Variants in PLAC1 observed in about 807,000 individuals in gnomAD.
The protein encoded by PLAC1 is placenta associated 1, also known as placenta-specific protein 1.
For synonymous variants in PLAC1, 68 were observed against 62.1 expected, an observed-to-expected ratio of 1.09 and a Z score of -0.44; for missense variants, 136 against 163.2, an observed-to-expected ratio of 0.83 and a Z score of 0.91.
chrX:134,577,159 G>A (rs976931497), intron 2 of PLAC1, among the ~76,000 whole-genome samples: 7 of 112,186 alleles, frequency 6.2e-5, no homozygotes, highest in African/African-American at 1.9e-4. Flanking sequence ...AAAGAAAGGG[G>A]CCAGTTAAAA....
chrX:134,588,929 C>T lies in PLAC1; in HGVS notation c.-59+13122G>A, dbSNP rs1325182399. 2.0e-4 allele frequency among the ~76,000 whole-genome samples: 22 copies of T among 111,349 alleles called. No individual in the cohort carries two copies. The Admixed American group carries it at 2.1e-3, about 11-fold the overall frequency. On this transcript the variant is annotated intron_variant, in intron 2 of 2. Coordinates refer to ENST00000359237, the MANE Select transcript of PLAC1 (RefSeq NM_021796.4). ...CTGAAGGGACTGGGTGGAGGAGATGCGGGGAACCTAGGTGGCCTGGCACTA... is the reference window on the plus strand; with the variant it reads ...CTGAAGGGACTGGGTGGAGGAGATGTGGGGAACCTAGGTGGCCTGGCACTA...
intron 2 of PLAC1, among the ~76,000 whole-genome samples, chrX:134,586,839 TTGTGTGTGTG>T (rs757041226): frequency 3.9e-5 from 3 of 76,651 alleles, no homozygotes; most frequent in East Asian, 4.4e-4. Flanking sequence ...CCCAGCTAAT[TTGTGTGTGTG>T]TGTGTGTGTG....
chrX:134,577,938 T>C (rs1296286041), intron 2 of PLAC1, among the ~76,000 whole-genome samples: 2 of 110,564 alleles, frequency 1.8e-5, no homozygotes, highest in African/African-American at 6.6e-5. Flanking sequence ...CCTCTAATCC[T>C]GAGATACGGA....
At chrX:134,751,929 T>C (rs2078745822) in intron 1 of PLAC1, among the ~76,000 whole-genome samples, 1 of 112,508 alleles carries the variant, frequency 8.9e-6, no homozygotes, top group South Asian at 3.7e-4. Flanking sequence ...GTATTATTAA[T>C]GGCTGCTCCC....
At chrX:134,579,188 C>T (rs908145602) in intron 2 of PLAC1, among the ~76,000 whole-genome samples, 3 of 110,339 alleles carry the variant, frequency 2.7e-5, no homozygotes, top group Non-Finnish European at 5.7e-5. Context: ...TCCTGTTATC[C>T]CTCTTGATCC....
chrX:134,607,581 T>G, intron 1 of PLAC1: 1 of 157,246 alleles, frequency 6.4e-6, no homozygotes. Flanking sequence ...CAAGAACCAG[T>G]GGGAAGGAGC....
At position 134,645,579 on chromosome X, in the gene PLAC1, C is replaced by T. The variant is rs139343668; in HGVS notation, c.-131+12749G>A. Among the ~76,000 whole-genome samples the T allele has an allele frequency of 8.3e-4, 93 of 111,653 alleles. No individual in the cohort carries two copies. The East Asian group carries it at 0.022, about 26-fold the overall frequency. On this transcript the variant is annotated intron_variant, in intron 1 of 2. Coordinates refer to ENST00000359237, the MANE Select transcript of PLAC1 (RefSeq NM_021796.4). ...TGTGTAGTGTGTACAAGTTTAGCTCCCAGCAAAACTGTAAGCTTTTGGAGG... is the reference window on the plus strand; with the variant it reads ...TGTGTAGTGTGTACAAGTTTAGCTCTCAGCAAAACTGTAAGCTTTTGGAGG...
At chrX:134,579,844 A>G (rs2077965490) in intron 2 of PLAC1, among the ~76,000 whole-genome samples, 1 of 111,532 alleles carries the variant, frequency 9.0e-6, no homozygotes, top group African/African-American at 3.3e-5. Context: ...AGAGCAGATA[A>G]TTCCTGTATT....
chrX:134,582,241 T>A (rs1357923440), intron 2 of PLAC1, among the ~76,000 whole-genome samples: 2 of 112,317 alleles, frequency 1.8e-5, no homozygotes, highest in East Asian at 5.6e-4. Context: ...TTAAAGAAGG[T>A]CATGTTTATC....
chrX:134,588,285 C>CTTTATTTTA (rs1418344829), intron 2 of PLAC1, among the ~76,000 whole-genome samples: 1,364 of 70,061 alleles, frequency 0.019, 16 homozygotes, highest in South Asian at 0.062. Flanking sequence ...TTCTAGAACT[C>CTTTATTTTA]TTTATTTTAT....
At chrX:134,586,670 C>CTT (rs765675891) in intron 2 of PLAC1, among the ~76,000 whole-genome samples, 55 of 91,025 alleles carry the variant, frequency 6.0e-4, no homozygotes, top group Non-Finnish European at 9.7e-4. Context: ...TTTTTCTTTT[C>CTT]TTTTTTTTTT....
rs766272162 is a variant in PLAC1 at position 134,726,600 on chromosome X, G to A, written n.174+6835C>T. On this transcript the variant is annotated intron_variant and non_coding_transcript_variant, in intron 2 of 2. Coordinates refer to the PLAC1 transcript ENST00000466797. ...AGCACTTTGGGAGGCCGAGGCGGCC[G>A]GATCATGAGGTCAGGAGATCGAGAC... Among the ~76,000 whole-genome samples, 15 of 110,677 alleles carry A rather than the reference G, an allele frequency of 1.4e-4. No individual in the cohort carries two copies. The South Asian group carries it at 5.4e-3, about 40-fold the overall frequency.
chrX:134,709,609 A>G (rs149099785), intron 2 of PLAC1, among the ~76,000 whole-genome samples: 2,796 of 111,634 alleles, frequency 0.025, 102 homozygotes, highest in African/African-American at 0.087. Context: ...CTCAAAAAAT[A>G]AAAAATAAAA....
chrX:134,714,390 G>C (rs751765756), intron 2 of PLAC1, among the ~76,000 whole-genome samples: 1 of 109,195 alleles, frequency 9.2e-6, no homozygotes, highest in East Asian at 2.9e-4. Context: ...TAGCGGAGTA[G>C]AAAATAGAAT....
At chrX:134,708,970 T>C (rs2078619136) in intron 2 of PLAC1, among the ~76,000 whole-genome samples, 1 of 111,828 alleles carries the variant, frequency 8.9e-6, no homozygotes, top group African/African-American at 3.3e-5. Context: ...TGGGAGAAAG[T>C]CAGTGAATGG....
intron 2 of PLAC1, among the ~76,000 whole-genome samples, chrX:134,570,768 A>G (rs969506330): frequency 2.7e-5 from 3 of 111,953 alleles, no homozygotes; most frequent in South Asian, 3.8e-4. Context: ...ACAGAGTACA[A>G]GTAGCTTTCT....
At chrX:134,748,165 A>G (rs763757128) in intron 1 of PLAC1, among the ~76,000 whole-genome samples, 7 of 110,935 alleles carry the variant, frequency 6.3e-5, no homozygotes, top group Admixed American at 1.9e-4. Context: ...CCCTGTCTCT[A>G]CTAAAAACAC....
At chrX:134,743,708 T>C (rs1265940987) in intron 1 of PLAC1, among the ~76,000 whole-genome samples, 2 of 111,298 alleles carry the variant, frequency 1.8e-5, no homozygotes, top group Non-Finnish European at 3.8e-5. Context: ...CCAGCCAATG[T>C]CACTCTCCGA....
chrX:134,634,554 C>A lies in PLAC1; in HGVS notation c.-131+23774G>T, dbSNP rs2078275248. 3.6e-5 allele frequency among the ~76,000 whole-genome samples: 4 copies of A among 111,815 alleles called. No homozygotes were observed. The Admixed American group carries it at 3.8e-4, about 11-fold the overall frequency. Reference sequence around the variant, plus strand: ...CCCACCCTGCTCAGTCCTAGGGAACCAGTAATCTAATTTCTATTTGTATGG... The same window carrying A: ...CCCACCCTGCTCAGTCCTAGGGAACAAGTAATCTAATTTCTATTTGTATGG... On this transcript the variant is annotated intron_variant, in intron 1 of 2. Transcript: ENST00000359237.
Sources: gnomAD v4.1 joint callset for allele counts (sites outside exome capture counted in the v4.1 genomes callset) on GRCh38, gnomAD v4.1.1 for gene constraint, MANE v1.5 for transcripts, NCBI Gene and HGNC (gene_info 2026-07-23, HGNC 2026-07-21) for gene names.